Variants in APC observed in about 807,000 individuals in gnomAD.
APC encodes APC regulator of Wnt signaling pathway.
APC carries 72 observed loss-of-function variants against 247.0 expected under a neutral mutation model. That is an observed-to-expected ratio of 0.29 (90% CI 0.24 to 0.35). The LOEUF (loss-of-function observed/expected upper bound fraction) is 0.35, where lower values mean the gene tolerates loss of function less well. Among genes scored for constraint, APC ranks in the 10% least tolerant of loss-of-function variants. The pLI, the probability that APC is intolerant of heterozygous loss-of-function variation, is 1.00. For synonymous variants in APC, 1,254 were observed against 1,162.5 expected, an observed-to-expected ratio of 1.08 and a Z score of -1.60; for missense variants, 3,400 against 3,360.7, an observed-to-expected ratio of 1.01 and a Z score of -0.29.
chr5:112,827,361 C>G (rs1299494204), intron 12 of APC, 114 bp downstream of exon 12: 3 of 1,191,202 alleles, frequency 2.5e-6, no homozygotes, highest in Non-Finnish European at 3.7e-6. Flanking sequence ...TAAACAATGA[C>G]TGATAAAAAC....
At chr5:112,786,047 T>C (rs1016106407) in intron 6 of APC, among the ~76,000 whole-genome samples, 13 of 152,158 alleles carry the variant, frequency 8.5e-5, no homozygotes, top group East Asian at 1.9e-4. Context: ...CTCTAAAATA[T>C]AAGAATTCCT....
intron 1 of APC, among the ~76,000 whole-genome samples, chr5:112,716,917 A>G (rs1338467042): frequency 6.6e-6 from 1 of 152,196 alleles, no homozygotes; most frequent in African/African-American, 2.4e-5. Context: ...ATAAAATCTA[A>G]TGTTAATCAA....
chr5:112,728,640 G>GA (rs1751932166), intron 1 of APC, among the ~76,000 whole-genome samples: 1 of 149,552 alleles, frequency 6.7e-6, no homozygotes. Flanking sequence ...AGGTGATTGT[G>GA]TTTTTTTTTT....
intron 4 of APC, among the ~76,000 whole-genome samples, chr5:112,775,154 A>G (rs755731448): frequency 2.6e-4 from 40 of 152,198 alleles, no homozygotes; most frequent in Admixed American, 1.2e-3. Context: ...TCAAAATGAC[A>G]GTATATTTCT....
At chr5:112,752,655 C>T (rs907421987) in intron 1 of APC, among the ~76,000 whole-genome samples, 4 of 152,074 alleles carry the variant, frequency 2.6e-5, no homozygotes, top group Non-Finnish European at 5.9e-5. Context: ...GTATGCAATT[C>T]GTGTAATTGC....
chr5:112,754,875 C>G lies in APC; in HGVS notation c.-16C>G, dbSNP rs371665872. On this transcript the variant is annotated splice_region_variant and 5_prime_UTR_variant, in exon 2 of 16. Transcript: ENST00000257430. ...CAAAATCCTTTTTAACCTTATAGGT[C>G]CAAGGGTAGCCAAGGATGGCTGCAG... is the stretch of plus-strand genomic sequence containing the variant. The G allele has an allele frequency of 6.2e-7, 1 of 1,613,368 alleles. No homozygotes were observed. Among genetic ancestry groups the G allele is most frequent in the South Asian group, 1.1e-5 (1 of 91,012 alleles).
In APC at chr5:112,788,161, C is replaced by A. The variant is rs187090060; in HGVS notation, c.646-4285C>A. ...GTTAGTCCACTTTAGCTTCTCCATGCCTGCACTGATACCACATTTTTTATT... is the reference window on the plus strand; with the variant it reads ...GTTAGTCCACTTTAGCTTCTCCATGACTGCACTGATACCACATTTTTTATT... On this transcript the variant is annotated intron_variant, in intron 6 of 15. Transcript: ENST00000257430. Among the ~76,000 whole-genome samples the A allele has an allele frequency of 4.4e-3, 670 of 152,220 alleles. 3 individuals carry two copies. The highest frequency in any genetic ancestry group is 0.01 in the Middle Eastern group (3 of 294).
chr5:112,802,844 T>G (rs1346132347), intron 8 of APC, among the ~76,000 whole-genome samples: 1 of 152,002 alleles, frequency 6.6e-6, no homozygotes, highest in African/African-American at 2.4e-5. Context: ...TTATGACGTG[T>G]AAAAAGTTAA....
chr5:112,806,552 C>CTTTATTTATTTA (rs66460614), intron 8 of APC, among the ~76,000 whole-genome samples: 161 of 145,694 alleles, frequency 1.1e-3, no homozygotes, highest in Middle Eastern at 6.9e-3. Context: ...TGGTTCTCAA[C>CTTTATTTATTTA]TTTATTTATT....
At position 112,828,229 on chromosome 5, in the gene APC, T is replaced by A. The variant is rs905242333; in HGVS notation, c.1626+223T>A. 2.0e-5 allele frequency among the ~76,000 whole-genome samples: 3 copies of A among 152,050 alleles called. No individual in the cohort carries two copies. In the South Asian group the frequency reaches 6.2e-4, roughly 32 times the overall value. On this transcript the variant is annotated intron_variant, in intron 13 of 15. Coordinates refer to ENST00000257430, the MANE Select transcript of APC (RefSeq NM_000038.6). ...TTGTATTTTTTATAGAGACGGGGTT[T>A]CACCACACCTGGGCTCAAGCAATCT... is the stretch of plus-strand genomic sequence containing the variant.
intron 15 of APC, among the ~76,000 whole-genome samples, chr5:112,836,314 G>C (rs1764942222): frequency 6.6e-6 from 1 of 151,806 alleles, no homozygotes; most frequent in Admixed American, 6.6e-5. Flanking sequence ...TATAGGCATG[G>C]GCTACTGCGC....
intron 9 of APC, among the ~76,000 whole-genome samples, chr5:112,817,131 A>G (rs1462992466): frequency 1.3e-5 from 2 of 152,082 alleles, no homozygotes; most frequent in African/African-American, 2.4e-5. Flanking sequence ...CTGCCTCCCA[A>G]AGTGCTGGGA....
chr5:112,824,522 T>A (rs1763451264), intron 11 of APC, among the ~76,000 whole-genome samples: 1 of 152,218 alleles, frequency 6.6e-6, no homozygotes, highest in African/African-American at 2.4e-5. Flanking sequence ...TTAATCTTTA[T>A]TTTCAGTATC....
chr5:112,836,009 CTTTTTTTTTT>C (rs371484714), intron 15 of APC, among the ~76,000 whole-genome samples: 45,638 of 106,330 alleles, frequency 0.43, 9,552 homozygotes, highest in East Asian at 0.58. Context: ...ATACAACTGT[CTTTTTTTTTT>C]TTTTTTTTTT....
intron 7 of APC, among the ~76,000 whole-genome samples, chr5:112,796,020 A>G (rs1228561222): frequency 1.3e-5 from 2 of 152,208 alleles, no homozygotes; most frequent in Admixed American, 6.5e-5. Flanking sequence ...TTCTGAATGT[A>G]TTGAAGGGAA....
intron 1 of APC, among the ~76,000 whole-genome samples, chr5:112,722,458 T>C (rs1480536763): frequency 6.6e-6 from 1 of 152,168 alleles, no homozygotes; most frequent in African/African-American, 2.4e-5. Flanking sequence ...ACACCAATAG[T>C]GGATGCTAGT....
In APC at chr5:112,707,553, G is replaced by A. The variant is rs1580996027; in HGVS notation, c.-165G>A. 1 of 583,302 alleles carries A rather than the reference G, an allele frequency of 1.7e-6. No individual in the cohort carries two copies. The highest frequency in any genetic ancestry group is 2.8e-6 in the Non-Finnish European group (1 of 354,848). 36.1% of individuals were successfully genotyped at this position (583,302 alleles called of 1,614,324 possible). A position where few individuals can be genotyped will look rare whatever the true frequency, so the allele number is the denominator to read the frequency against. On this transcript the variant is annotated 5_prime_UTR_variant, in exon 1 of 14. Transcript: ENST00000507379. ...GGCGGAGGGCAAGTAGCAAGGGGGC[G>A]GGGTGTGGCCGCCGGAAGCCTAGCC... is the stretch of plus-strand genomic sequence containing the variant.
intron 1 of APC, among the ~76,000 whole-genome samples, chr5:112,709,213 A>T (rs1750707919): frequency 6.6e-6 from 1 of 152,218 alleles, no homozygotes; most frequent in African/African-American, 2.4e-5. Context: ...ATTGTATGTT[A>T]AAAATTTTTA....
At chr5:112,833,572 C>G (rs1437292414) in intron 14 of APC, among the ~76,000 whole-genome samples, 1 of 152,200 alleles carries the variant, frequency 6.6e-6, no homozygotes, top group African/African-American at 2.4e-5. Flanking sequence ...GATCCACCCA[C>G]CTCAGCCTCC....
Sources: gnomAD v4.1 joint callset for allele counts (sites outside exome capture counted in the v4.1 genomes callset) on GRCh38, gnomAD v4.1.1 for gene constraint, MANE v1.5 for transcripts, NCBI Gene and HGNC (gene_info 2026-07-23, HGNC 2026-07-21) for gene names.